C12orf42: variants seen among roughly 807,000 people sequenced by gnomAD.
C12orf42 encodes chromosome 12 open reading frame 42.
In C12orf42, 25 loss-of-function variants were observed where a neutral mutation model predicts 21.6. The observed-to-expected ratio is 1.16, with a 90% confidence interval of 0.84 to 1.62. The LOEUF is 1.62. Among genes scored for constraint, C12orf42 ranks in the 40% most tolerant of loss-of-function variants. The pLI, the probability that C12orf42 is intolerant of heterozygous loss-of-function variation, is 0.00. For missense variants in C12orf42, 483 were observed against 459.3 expected, an observed-to-expected ratio of 1.05 and a Z score of -0.47; for synonymous variants, 174 against 175.0, an observed-to-expected ratio of 0.99 and a Z score of 0.05.
intron 5 of C12orf42, 66 bp downstream of exon 5, chr12:103,305,908 T>C (rs2038248647): frequency 3.9e-6 from 6 of 1,520,160 alleles, no homozygotes; most frequent in Non-Finnish European, 5.3e-6. Context: ...CTGTTTATAC[T>C]GAAGTTAAAA....
At chr12:103,253,345 A>G (rs7953217) in intron 10 of C12orf42, among the ~76,000 whole-genome samples, 2,812 of 152,252 alleles carry the variant, frequency 0.018, 106 homozygotes, top group African/African-American at 0.064. Flanking sequence ...CTGTGAAGAA[A>G]GTCAATGGCA....
chr12:103,163,537 A>G, the C12orf42 span, among the ~76,000 whole-genome samples: 7 of 152,312 alleles, frequency 4.6e-5, no homozygotes, highest in Admixed American at 3.9e-4. Flanking sequence ...TAATCTAGAC[A>G]TTGTGTCTTT....
At chr12:103,359,084 G>A (rs1032918225) in intron 4 of C12orf42, among the ~76,000 whole-genome samples, 3 of 151,922 alleles carry the variant, frequency 2.0e-5, no homozygotes, top group African/African-American at 7.2e-5. Context: ...CACATATCTT[G>A]TCTCTCTGGC....
At chr12:103,294,428 GAGAAAGAA>G (rs58968326) in intron 4 of C12orf42, among the ~76,000 whole-genome samples, 2,253 of 95,988 alleles carry the variant, frequency 0.023, 46 homozygotes, top group African/African-American at 0.05. Flanking sequence ...AAAGGAGAGA[GAGAAAGAA>G]AGAAAGAAAG....
chr12:103,323,021 C>T (rs1167713645), intron 4 of C12orf42, among the ~76,000 whole-genome samples: 1 of 152,132 alleles, frequency 6.6e-6, no homozygotes, highest in South Asian at 2.1e-4. Flanking sequence ...AAGAAATAGG[C>T]TTATAGAAAT....
At chr12:103,383,414 T>A (rs893157141) in intron 3 of C12orf42, among the ~76,000 whole-genome samples, 4 of 152,120 alleles carry the variant, frequency 2.6e-5, no homozygotes, top group African/African-American at 9.7e-5. Context: ...TCATTCTTTT[T>A]AAAAGGGCAT....
At chr12:103,049,211 G>A in the C12orf42 span, among the ~76,000 whole-genome samples, 6 of 152,254 alleles carry the variant, frequency 3.9e-5, no homozygotes, top group Non-Finnish European at 8.8e-5. Flanking sequence ...AACAAAAATC[G>A]TGTGCCTTCC....
intron 4 of C12orf42, among the ~76,000 whole-genome samples, chr12:103,333,333 T>C (rs2041409646): frequency 6.6e-6 from 1 of 152,216 alleles, no homozygotes; most frequent in African/African-American, 2.4e-5. Flanking sequence ...TGAGATCATA[T>C]GTATAAAGTT....
At chr12:103,481,636 C>G (rs1246622632) in intron 1 of C12orf42, among the ~76,000 whole-genome samples, 2 of 127,820 alleles carry the variant, frequency 1.6e-5, no homozygotes, top group Non-Finnish European at 3.4e-5. Flanking sequence ...TTTCTAAAAT[C>G]AACATAAAGC....
chr12:103,137,853 C>T, the C12orf42 span, among the ~76,000 whole-genome samples: 1 of 151,918 alleles, frequency 6.6e-6, no homozygotes, highest in Non-Finnish European at 1.5e-5. Context: ...GAATGATAGA[C>T]ATGAGAGGCC....
chr12:103,272,938 G>A (rs912407672), intron 5 of C12orf42, among the ~76,000 whole-genome samples: 16 of 152,092 alleles, frequency 1.1e-4, no homozygotes, highest in African/African-American at 3.1e-4. Flanking sequence ...CAGACTCTCC[G>A]CTTCTAGTAA....
chr12:103,231,926 C>A, the C12orf42 span, among the ~76,000 whole-genome samples: 1 of 152,286 alleles, frequency 6.6e-6, no homozygotes, highest in East Asian at 1.9e-4. Flanking sequence ...TGCATTCCCA[C>A]AAGGAATGAA....
chr12:103,460,490 C>G (rs1426948320), intron 2 of C12orf42, among the ~76,000 whole-genome samples: 2 of 152,144 alleles, frequency 1.3e-5, no homozygotes, highest in Non-Finnish European at 2.9e-5. Flanking sequence ...ACCTTGCTCT[C>G]TGCTGAGTAG....
chr12:103,389,737 T>G (rs538452476), intron 3 of C12orf42, among the ~76,000 whole-genome samples: 16 of 152,300 alleles, frequency 1.1e-4, no homozygotes, highest in African/African-American at 3.8e-4. Flanking sequence ...GGCAGGGGGC[T>G]CCTCAGTGCA....
At chr12:103,465,709 C>T (rs1953070732) in intron 2 of C12orf42, among the ~76,000 whole-genome samples, 1 of 152,170 alleles carries the variant, frequency 6.6e-6, no homozygotes, top group South Asian at 2.1e-4. Flanking sequence ...CAGCTTTTGC[C>T]CATTCAGTAT....
At chr12:103,312,395 C>A (rs1458364559) in intron 4 of C12orf42, among the ~76,000 whole-genome samples, 1 of 152,190 alleles carries the variant, frequency 6.6e-6, no homozygotes, top group African/African-American at 2.4e-5. Context: ...AGGCCCTGCT[C>A]TATTGTCCAT....
chr12:103,554,690 CA>C, the C12orf42 span, among the ~76,000 whole-genome samples: 2 of 152,088 alleles, frequency 1.3e-5, no homozygotes, highest in African/African-American at 4.8e-5. Context: ...GGGAAACAGG[CA>C]CATTTTCAAA....
the C12orf42 span, among the ~76,000 whole-genome samples, chr12:103,547,079 C>A: frequency 6.6e-6 from 1 of 152,200 alleles, no homozygotes; most frequent in African/African-American, 2.4e-5. Context: ...TATAAAACTT[C>A]CATTAAATAA....
At chr12:103,334,518 T>C (rs750787096) in intron 4 of C12orf42, among the ~76,000 whole-genome samples, 3 of 152,094 alleles carry the variant, frequency 2.0e-5, no homozygotes, top group Non-Finnish European at 4.4e-5. Context: ...CGCTGTGGCT[T>C]TATAAAAGAA....
Sources: allele counts gnomAD v4.1 joint callset (sites outside exome capture counted in the v4.1 genomes callset), GRCh38; gene constraint gnomAD v4.1.1; transcripts MANE v1.5; gene names NCBI Gene and HGNC (gene_info 2026-07-23, HGNC 2026-07-21).